Variants in SAMD5 observed in about 807,000 individuals in gnomAD.
SAMD5 encodes the protein sterile alpha motif domain containing 5.
SAMD5 carries 13 observed loss-of-function variants against 11.3 expected under a neutral mutation model. The observed-to-expected ratio is 1.15, with a 90% CI of 0.75 to 1.83. The LOEUF (loss-of-function observed/expected upper bound fraction) is 1.83. Among genes scored for constraint, SAMD5 ranks in the 40% most tolerant of loss-of-function variants. The probability of loss-of-function intolerance (pLI) is 0.00; values close to 1 mark genes in which losing one functional copy is unlikely to be tolerated. For missense variants in SAMD5, 255 were observed against 239.1 expected, an observed-to-expected ratio of 1.07 and a Z score of -0.44; for synonymous variants, 129 against 111.3, an observed-to-expected ratio of 1.16 and a Z score of -1.00.
chr6:147,778,721 T>A, the SAMD5 span, among the ~76,000 whole-genome samples: 2 of 152,158 alleles, frequency 1.3e-5, no homozygotes, highest in African/African-American at 4.8e-5. Context: ...CTCCATTCCC[T>A]TATCTGCTCT....
In SAMD5 at chr6:147,722,575, T is replaced by C. The variant is rs3906037; in HGVS notation, c.163-14742T>C. Among the ~76,000 whole-genome samples the C allele has an allele frequency of 3.7e-3, 562 of 152,152 alleles. 3 individuals carry two copies. The highest frequency in any genetic ancestry group is 0.013 in the African/African-American group (526 of 41,534). ...AATGATTGTTCATTTCCCTATATAT[T>C]TAATATTTCTAATACACTTTGAAAT... On this transcript the variant is annotated intron_variant, in intron 1 of 1. Transcript: ENST00000566741.
chr6:147,553,224 T>G (rs1788801504), intron 1 of SAMD5, among the ~76,000 whole-genome samples: 1 of 152,192 alleles, frequency 6.6e-6, no homozygotes, highest in Admixed American at 6.5e-5. Context: ...AAGCGGAGAA[T>G]GGTTAGGTTG....
chr6:147,887,246 C>T, the SAMD5 span, among the ~76,000 whole-genome samples: 1 of 152,180 alleles, frequency 6.6e-6, no homozygotes. Flanking sequence ...CATATACACA[C>T]ACACAACTGT....
the SAMD5 span, among the ~76,000 whole-genome samples, chr6:147,872,472 G>T: frequency 6.6e-6 from 1 of 152,152 alleles, no homozygotes; most frequent in African/African-American, 2.4e-5. Context: ...TAACTAATTT[G>T]ATCCTCATAG....
chr6:147,666,788 A>G (rs1429599376), intron 1 of SAMD5, among the ~76,000 whole-genome samples: 1 of 152,228 alleles, frequency 6.6e-6, no homozygotes, highest in Non-Finnish European at 1.5e-5. Context: ...AAAAGTCCAT[A>G]GCATCCTCAA....
At chr6:147,522,337 T>G (rs1788266982) in intron 1 of SAMD5, among the ~76,000 whole-genome samples, 1 of 152,210 alleles carries the variant, frequency 6.6e-6, no homozygotes, top group Non-Finnish European at 1.5e-5. Flanking sequence ...GTAGTTTTCA[T>G]GACTATATTA....
the SAMD5 span, among the ~76,000 whole-genome samples, chr6:147,884,538 T>C: frequency 6.6e-6 from 1 of 152,222 alleles, no homozygotes; most frequent in Non-Finnish European, 1.5e-5. Flanking sequence ...TTTGAGCTAC[T>C]TTCAAATTCT....
At chr6:147,511,419 T>C (rs1198125324) in intron 1 of SAMD5, among the ~76,000 whole-genome samples, 1 of 152,232 alleles carries the variant, frequency 6.6e-6, no homozygotes, top group Non-Finnish European at 1.5e-5. Flanking sequence ...AAATGCCAAG[T>C]TGCACTGCAA....
chr6:147,509,477 G>A, intron 1 of SAMD5, 90 bp downstream of exon 1: 1 of 1,208,670 alleles, frequency 8.3e-7, no homozygotes, highest in Non-Finnish European at 1.1e-6. Context: ...ACCCATTCCA[G>A]GTGACGACGG....
intron 1 of SAMD5, among the ~76,000 whole-genome samples, chr6:147,723,518 T>C (rs1282305632): frequency 6.6e-6 from 1 of 152,168 alleles, no homozygotes; most frequent in Non-Finnish European, 1.5e-5. Flanking sequence ...TGGCAGCCAG[T>C]TACCTCCTGC....
At chr6:147,891,282 T>C in the SAMD5 span, among the ~76,000 whole-genome samples, 626 of 152,266 alleles carry the variant, frequency 4.1e-3, 6 homozygotes, top group African/African-American at 0.015. Flanking sequence ...GTATTATTTG[T>C]GTCATTATAA....
chr6:147,666,810 A>T (rs9377073), intron 1 of SAMD5, among the ~76,000 whole-genome samples: 2 of 152,110 alleles, frequency 1.3e-5, no homozygotes, highest in Non-Finnish European at 2.9e-5. Flanking sequence ...TAAGAGTGGG[A>T]CATTTACTGG....
At chr6:147,808,142 A>T in the SAMD5 span, among the ~76,000 whole-genome samples, 2 of 152,204 alleles carry the variant, frequency 1.3e-5, no homozygotes, top group Non-Finnish European at 2.9e-5. Context: ...ATGAAAGGCA[A>T]CCTATGGGAG....
chr6:147,697,223 G>T (rs1791188910), intron 1 of SAMD5, among the ~76,000 whole-genome samples: 1 of 152,188 alleles, frequency 6.6e-6, no homozygotes, highest in African/African-American at 2.4e-5. Context: ...GTTTAATCGG[G>T]CGCTGCAGCC....
the SAMD5 span, among the ~76,000 whole-genome samples, chr6:147,775,094 T>G: frequency 2.2e-4 from 33 of 152,220 alleles, no homozygotes; most frequent in South Asian, 3.9e-3. Flanking sequence ...GGAAGGAGAT[T>G]TGATTTTATC....
At chr6:147,762,748 C>T in the SAMD5 span, among the ~76,000 whole-genome samples, 5 of 151,978 alleles carry the variant, frequency 3.3e-5, no homozygotes, top group African/African-American at 9.7e-5. Context: ...TCCTTATTTC[C>T]GGTTTAGTAC....
At chr6:147,915,767 T>C in the SAMD5 span, among the ~76,000 whole-genome samples, 1 of 152,200 alleles carries the variant, frequency 6.6e-6, no homozygotes. Flanking sequence ...TGTTTATTAT[T>C]ATACTTCAAG....
intron 1 of SAMD5, among the ~76,000 whole-genome samples, chr6:147,548,929 G>A (rs540861148): frequency 6.6e-6 from 1 of 152,042 alleles, no homozygotes; most frequent in African/African-American, 2.4e-5. Flanking sequence ...GACATGCTTT[G>A]GTTAATGAAA....
chr6:147,953,141 T>G, the SAMD5 span, among the ~76,000 whole-genome samples: 2 of 152,206 alleles, frequency 1.3e-5, no homozygotes, highest in African/African-American at 4.8e-5. Flanking sequence ...AATTCCAGTT[T>G]ACTTTGTCAA....
Sources: gnomAD v4.1 joint callset for allele counts (sites outside exome capture counted in the v4.1 genomes callset) on GRCh38, gnomAD v4.1.1 for gene constraint, MANE v1.5 for transcripts, NCBI Gene and HGNC (gene_info 2026-07-23, HGNC 2026-07-21) for gene names.